Variants in CDC5L observed in about 807,000 individuals in gnomAD.
The protein encoded by CDC5L is cell division cycle 5-like protein.
Under a neutral mutation model 104.1 loss-of-function variants are expected in CDC5L, and 18 were observed. That is an observed-to-expected ratio of 0.17 (90% CI 0.12 to 0.26). The LOEUF (loss-of-function observed/expected upper bound fraction) is 0.26, where lower values mean the gene tolerates loss of function less well. Ranked by LOEUF, CDC5L falls within the 10% of genes least tolerant of loss-of-function variation. The probability of loss-of-function intolerance (pLI) is 1.00; values close to 1 mark genes in which losing one functional copy is unlikely to be tolerated. For synonymous variants in CDC5L, 331 were observed against 322.7 expected (o/e 1.03, Z -0.28); for missense variants, 673 against 956.9 (o/e 0.70, Z 3.91).
In CDC5L at chr6:44,429,866, G is replaced by T; in HGVS notation, c.2047G>T (p.Ala683Ser). 1 of 1,614,014 alleles carries T rather than the reference G, an allele frequency of 6.2e-7. No individual in the cohort carries two copies. ...GAGCCGCTACACACGGGCCAATCTG[G>T]CTAGTAAAAAGGACAGAATTGAATC... The part of the protein sequence containing the change: ...GQSRYTRANL[A>S]SKKDRIESLE... The change falls in exon 14 of 16, where the codon GCT (alanine) becomes TCT (serine). Residue 683 changes from alanine (A) to serine (S), a missense_variant. This residue lies in a region of CDC5L where 578 missense variants were observed against 737.0 expected (regional missense o/e 0.78). Transcript: ENST00000371477.
At chr6:44,440,545 AT>A (rs1396797096) in intron 14 of CDC5L, among the ~76,000 whole-genome samples, 1 of 152,034 alleles carries the variant, frequency 6.6e-6, no homozygotes, top group African/African-American at 2.4e-5. Flanking sequence ...ACCTGGCCAT[AT>A]TTTTAAAAGT....
chr6:44,430,056 G>C, intron 14 of CDC5L, 146 bp downstream of exon 14: 1 of 621,842 alleles, frequency 1.6e-6, no homozygotes, highest in Non-Finnish European at 2.8e-6. Context: ...CTTAAGTGTT[G>C]GATCTTCTTG....
intron 1 of CDC5L, 49 bp downstream of exon 1, chr6:44,387,917 C>T (rs1427153030): frequency 7.8e-6 from 12 of 1,537,132 alleles, no homozygotes; most frequent in South Asian, 3.6e-5. Context: ...CCTCTAGCAG[C>T]TTGTGCGCAC....
In CDC5L at chr6:44,426,086, TA is replaced by T; in HGVS notation, c.1570-12del. The T allele has an allele frequency of 6.4e-7, 1 of 1,558,424 alleles. No individual in the cohort carries two copies. The highest frequency in any genetic ancestry group is 8.8e-7 in the Non-Finnish European group (1 of 1,140,712). The stretch of plus-strand genomic sequence containing the variant: ...TACGCTATAGCTGCAATAAAGGATA[TA>T]AAAATCATTTTTTAGGCCATACGAG... On this transcript the variant is annotated splice_polypyrimidine_tract_variant and intron_variant, in intron 11 of 15. Coordinates refer to ENST00000371477, the MANE Select transcript of CDC5L (RefSeq NM_001253.4).
intron 14 of CDC5L, among the ~76,000 whole-genome samples, chr6:44,432,379 A>G (rs1467132884): frequency 6.6e-6 from 1 of 152,162 alleles, no homozygotes; most frequent in Non-Finnish European, 1.5e-5. Flanking sequence ...CTTCTCTGTA[A>G]GCACTGTATG....
chr6:44,431,022 T>C (rs772958230), intron 14 of CDC5L, among the ~76,000 whole-genome samples: 1 of 152,212 alleles, frequency 6.6e-6, no homozygotes, highest in Non-Finnish European at 1.5e-5. Flanking sequence ...AAAAAGTGCA[T>C]TTGAAAATAT....
At chr6:44,436,428 G>T (rs563842177) in intron 14 of CDC5L, among the ~76,000 whole-genome samples, 2 of 145,362 alleles carry the variant, frequency 1.4e-5, no homozygotes, top group Admixed American at 6.9e-5. Flanking sequence ...TTTACATCGT[G>T]GATTTTAATC....
At chr6:44,390,453 A>C in intron 2 of CDC5L, 82 bp downstream of exon 2, 1 of 878,000 alleles carries the variant, frequency 1.1e-6, no homozygotes, top group Non-Finnish European at 1.8e-6. Context: ...GAACCTTATC[A>C]AAGAAAGCAG....
chr6:44,427,264 C>T (rs1439420029), intron 13 of CDC5L, among the ~76,000 whole-genome samples: 2 of 152,170 alleles, frequency 1.3e-5, no homozygotes, highest in African/African-American at 2.4e-5. Context: ...TTTTCTTCTA[C>T]ATGCATTTTA....
chr6:44,436,285 A>G (rs895526838), intron 14 of CDC5L, among the ~76,000 whole-genome samples: 8 of 152,186 alleles, frequency 5.3e-5, no homozygotes, highest in East Asian at 1.9e-4. Context: ...ACTTTAAACA[A>G]TCGGGTGGCT....
chr6:44,430,309 G>C (rs1792619558), intron 14 of CDC5L, among the ~76,000 whole-genome samples: 1 of 151,468 alleles, frequency 6.6e-6, no homozygotes, highest in Non-Finnish European at 1.5e-5. Flanking sequence ...TTATAACAAA[G>C]AGAGTACATT....
chr6:44,426,450 G>C, intron 12 of CDC5L, 32 bp from the exon 13 acceptor site: 4 of 1,194,954 alleles, frequency 3.3e-6, no homozygotes, highest in Non-Finnish European at 4.9e-6. Context: ...ATAGTGATAT[G>C]TTTGGTAATT....
intron 7 of CDC5L, among the ~76,000 whole-genome samples, chr6:44,407,529 G>T (rs551039409): frequency 6.6e-6 from 1 of 152,298 alleles, no homozygotes; most frequent in Admixed American, 6.5e-5. Context: ...GTTTCACCAT[G>T]TTGGCCAGGA....
At chr6:44,426,446 A>C in intron 12 of CDC5L, 36 bp from the exon 13 acceptor site, 1 of 1,153,886 alleles carries the variant, frequency 8.7e-7, no homozygotes, top group Non-Finnish European at 1.3e-6. Flanking sequence ...TATTATAGTG[A>C]TATGTTTGGT....
At position 44,448,837 on chromosome 6, in the gene CDC5L, A is replaced by G. The variant is rs2153385119; in HGVS notation, c.*2126A>G. Reference sequence around the variant, plus strand: ...TTTTAAGTTTGCTGTTGGGAGTTAGATAGTCTTTATCTGAAAGACAGTGTC... The same window carrying G: ...TTTTAAGTTTGCTGTTGGGAGTTAGGTAGTCTTTATCTGAAAGACAGTGTC... On this transcript the variant is annotated 3_prime_UTR_variant, in exon 16 of 16. Transcript: ENST00000371477. 6.6e-6 allele frequency: 1 copy of G among 152,268 alleles called. No homozygotes were observed. Among genetic ancestry groups the G allele is most frequent in the South Asian group, 2.1e-4 (1 of 4,816 alleles). 9.4% of individuals were successfully genotyped at this position (152,268 alleles called of 1,614,324 possible).
At chr6:44,410,188 T>C (rs1791566005) in intron 8 of CDC5L, among the ~76,000 whole-genome samples, 1 of 152,210 alleles carries the variant, frequency 6.6e-6, no homozygotes, top group African/African-American at 2.4e-5. Flanking sequence ...CCTGTCTTAC[T>C]GAAATTTTGT....
chr6:44,437,912 T>C (rs1312505317), intron 14 of CDC5L, among the ~76,000 whole-genome samples: 4 of 152,318 alleles, frequency 2.6e-5, no homozygotes, highest in African/African-American at 9.6e-5. Context: ...CCAAATGTGA[T>C]TGGAGTATGT....
At chr6:44,394,179 C>T (rs1434555173) in intron 4 of CDC5L, among the ~76,000 whole-genome samples, 1 of 152,090 alleles carries the variant, frequency 6.6e-6, no homozygotes, top group Non-Finnish European at 1.5e-5. Flanking sequence ...CTCTTTAGCC[C>T]AGGAGTTGGA....
intron 14 of CDC5L, among the ~76,000 whole-genome samples, chr6:44,431,809 C>T (rs1008888375): frequency 3.9e-5 from 6 of 152,104 alleles, no homozygotes; most frequent in Admixed American, 2.0e-4. Context: ...TTATTTGGGT[C>T]GTTTATGAGC....
Sources: allele counts gnomAD v4.1 joint callset (sites outside exome capture counted in the v4.1 genomes callset), GRCh38; gene constraint gnomAD v4.1.1; regional missense constraint gnomAD v4.1.1; transcripts MANE v1.5; gene names NCBI Gene and HGNC (gene_info 2026-07-23, HGNC 2026-07-21).